The following ANO7 variants were observed in gnomAD, a reference collection of about 807,000 sequenced individuals.
The protein encoded by ANO7 is anoctamin-7.
A neutral mutation model predicts 115.8 loss-of-function variants in ANO7; 114 were observed. That is an observed-to-expected ratio of 0.98 (90% CI 0.85 to 1.15). The LOEUF (loss-of-function observed/expected upper bound fraction) is 1.15. Ranked by LOEUF, ANO7 falls within the 50% of genes most tolerant of loss-of-function variation. ANO7 has a pLI of 0.00. For missense variants in ANO7, 1,302 were observed against 1,201.2 expected (o/e 1.08, Z -1.24); for synonymous variants, 550 against 498.2 (o/e 1.10, Z -1.38).
In ANO7 at chr2:241,190,151, A is replaced by G. The variant is rs1185964447; in HGVS notation, c.88A>G (p.Ser30Gly). 3 of 1,568,940 alleles carry G rather than the reference A, an allele frequency of 1.9e-6. No individual in the cohort carries two copies. The highest frequency in any genetic ancestry group is 2.6e-6 in the Non-Finnish European group (3 of 1,157,114). ...PEAEKRGSYG[S>G]TAHASEPGGQ... ...GGCAGAGAAGAGGGGCTCTTACGGG[A>G]GCACAGCCCACGCCTCGGAGGTAAC... Residue 30 changes from serine (S) to glycine (G), a missense_variant, in exon 2 of 25, where the codon AGC becomes GGC. Transcript: ENST00000674324.
intron 3 of ANO7, 136 bp from the exon 4 acceptor site, chr2:241,195,567 G>A: frequency 3.8e-6 from 3 of 791,564 alleles, no homozygotes; most frequent in Non-Finnish European, 6.1e-6. Context: ...CCAGAGAGGG[G>A]ATCGGGAAGG....
chr2:241,219,489 T>G (rs1350089927), intron 21 of ANO7, among the ~76,000 whole-genome samples: 1 of 152,162 alleles, frequency 6.6e-6, no homozygotes, highest in Non-Finnish European at 1.5e-5. Context: ...TTTATTATTA[T>G]TCTTTTGCTT....
intron 2 of ANO7, among the ~76,000 whole-genome samples, chr2:241,190,938 G>A (rs1161684820): frequency 6.6e-6 from 1 of 152,210 alleles, no homozygotes; most frequent in Non-Finnish European, 1.5e-5. Flanking sequence ...GCCGGCTGGA[G>A]GCCCAGGGCT....
At chr2:241,229,496 G>T (rs1019841890), downstream of ANO7, 4 of 820,764 alleles carry the variant, frequency 4.9e-6, no homozygotes, top group East Asian at 1.1e-4. Flanking sequence ...GGGGAAGAGC[G>T]TCAACAATTT....
chr2:241,207,563 A>T lies in ANO7; in HGVS notation c.981-11A>T. On this transcript the variant is annotated splice_polypyrimidine_tract_variant and intron_variant, in intron 10 of 24. Coordinates refer to ENST00000674324, the MANE Select transcript of ANO7 (RefSeq NM_001370694.2). ...CCATTAGCTCCCACCCCTCCGCTCC[A>T]TGCCTTGCAGGCAGGAACTGTGTGG... The T allele has an allele frequency of 6.2e-7, 1 of 1,611,670 alleles. No individual in the cohort carries two copies. Among genetic ancestry groups the T allele is most frequent in the Non-Finnish European group, 8.5e-7 (1 of 1,178,884 alleles).
At chr2:241,210,842 T>C (rs1157020175) in intron 15 of ANO7, among the ~76,000 whole-genome samples, 1 of 149,408 alleles carries the variant, frequency 6.7e-6, no homozygotes, top group Non-Finnish European at 1.5e-5. Flanking sequence ...AAATTTTTTT[T>C]TTTTTTGATA....
chr2:241,216,777 G>A (rs1239240644), intron 19 of ANO7, among the ~76,000 whole-genome samples: 1 of 152,242 alleles, frequency 6.6e-6, no homozygotes, highest in African/African-American at 2.4e-5. Context: ...CTGCAGTGCA[G>A]GGTCTGACTC....
At chr2:241,228,111 G>A (rs2069303302), downstream of ANO7, 1 of 152,264 alleles carries the variant, frequency 6.6e-6, no homozygotes, top group Admixed American at 6.5e-5. Context: ...TCAACTGAGA[G>A]TGAGGTGTCA....
intron 15 of ANO7, among the ~76,000 whole-genome samples, chr2:241,211,853 G>A (rs905067538): frequency 6.6e-5 from 10 of 152,158 alleles, no homozygotes; most frequent in African/African-American, 7.2e-5. Context: ...CCACTCACCC[G>A]TGTGCACCAC....
downstream of ANO7, chr2:241,230,840 G>T (rs780186842): frequency 6.2e-6 from 10 of 1,614,062 alleles, no homozygotes; most frequent in Admixed American, 1.5e-4. This position sits in a 1 kb window ranked among gnomAD's most constrained non-coding sequence, Gnocchi z 5.0. Flanking sequence ...CCAGCGGGAC[G>T]TCCTCAGAAA....
intron 3 of ANO7, among the ~76,000 whole-genome samples, 173 bp downstream of exon 3, chr2:241,191,424 G>A (rs1189838265): frequency 6.6e-6 from 1 of 152,080 alleles, no homozygotes; most frequent in Non-Finnish European, 1.5e-5. Flanking sequence ...AAACCACAGT[G>A]GGAAGAACAG....
In ANO7 at chr2:241,224,295, T is replaced by C. The variant is rs2149282408; in HGVS notation, c.*142T>C. The C allele has an allele frequency of 1.1e-6, 1 of 912,468 alleles. No homozygotes were observed. Among genetic ancestry groups the C allele is most frequent in the East Asian group, 2.7e-5 (1 of 37,378 alleles). The allele number at this position is 912,468 out of a possible 1,614,324, so 56.5% of individuals were successfully genotyped here. A position where few individuals can be genotyped will look rare whatever the true frequency, so the allele number is the denominator to read the frequency against. ...CCTCATCTCTGGGCACATTGCCTGCTTCCCCCCAGCGCCGGCTTCTCTCCT... is the reference window on the plus strand; with the variant it reads ...CCTCATCTCTGGGCACATTGCCTGCCTCCCCCCAGCGCCGGCTTCTCTCCT... On this transcript the variant is annotated 3_prime_UTR_variant, in exon 25 of 25. Transcript: ENST00000674324.
chr2:241,223,366 T>C, intron 22 of ANO7, 90 bp downstream of exon 22: 1 of 1,384,626 alleles, frequency 7.2e-7, no homozygotes, highest in Non-Finnish European at 1.0e-6. Flanking sequence ...GAGGGGTCGG[T>C]GCCGTCACTT....
downstream of ANO7, chr2:241,229,784 G>GGCCC (rs1574820986): frequency 9.3e-6 from 14 of 1,502,492 alleles, no homozygotes; most frequent in South Asian, 2.4e-5. Flanking sequence ...AAGCCCGCCT[G>GGCCC]CCCGCCCACC....
At position 241,223,715 on chromosome 2, in the gene ANO7, A is replaced by G; in HGVS notation, c.2466A>G (p.Pro822=). 2 of 1,614,098 alleles carry G rather than the reference A, an allele frequency of 1.2e-6. No homozygotes were observed. The highest frequency in any genetic ancestry group is 1.7e-6 in the Non-Finnish European group (2 of 1,179,990). The change falls in exon 23 of 25, where the codon CCA becomes CCG. Residue 822 remains proline, a synonymous_variant. Transcript: ENST00000674324. ...RLLDLLVPDI[P]ESVEIKVKRE... The stretch of plus-strand genomic sequence containing the variant: ...TGGACCTCCTGGTGCCTGACATCCC[A>G]GAGTCTGTGGAGATCAAAGTGAAGC...
At chr2:241,226,194 C>T (rs2069166013), downstream of ANO7, among the ~76,000 whole-genome samples, 3 of 151,908 alleles carry the variant, frequency 2.0e-5, no homozygotes, top group South Asian at 2.1e-4. Flanking sequence ...CCTTTCCCAT[C>T]CAGAGTAGCC....
chr2:241,211,164 G>A (rs1016532944), intron 15 of ANO7, among the ~76,000 whole-genome samples: 1 of 152,134 alleles, frequency 6.6e-6, no homozygotes, highest in African/African-American at 2.4e-5. Flanking sequence ...AGCACCCAAA[G>A]AGTTCTCACC....
rs77832161 is a variant in ANO7 at position 241,202,049 on chromosome 2, C to T, written c.613-145C>T. On this transcript the variant is annotated intron_variant, in intron 7 of 24. Coordinates refer to ENST00000674324, the MANE Select transcript of ANO7 (RefSeq NM_001370694.2). ...GCATGTGCGGTGGTGACACAAAGTC[C>T]CAAGCCTTTCCATCAGATCGCTATT... 2.3e-3 allele frequency: 1,489 copies of T among 660,164 alleles called. 13 individuals carry two copies. In the African/African-American group the frequency reaches 0.023, roughly 10 times the overall value. 40.9% of individuals were successfully genotyped at this position (660,164 alleles called of 1,614,324 possible). A position where few individuals can be genotyped will look rare whatever the true frequency, so the allele number is the denominator to read the frequency against.
downstream of ANO7, chr2:241,230,839 C>T (rs756379632): frequency 1.4e-5 from 22 of 1,614,046 alleles, no homozygotes; most frequent in Middle Eastern, 1.6e-4. This position sits in a 1 kb window ranked among gnomAD's most constrained non-coding sequence, Gnocchi z 5.0. Flanking sequence ...TCCAGCGGGA[C>T]GTCCTCAGAA....
Sources: gnomAD v4.1 joint callset for allele counts (sites outside exome capture counted in the v4.1 genomes callset) on GRCh38, gnomAD v4.1.1 for gene constraint, Gnocchi (gnomAD v3.1) non-coding constraint, MANE v1.5 for transcripts, NCBI Gene and HGNC (gene_info 2026-07-23, HGNC 2026-07-21) for gene names.